The following ZBTB20 variants were observed in gnomAD, a reference collection of about 807,000 sequenced individuals.
The protein encoded by ZBTB20 is zinc finger and BTB domain-containing protein 20.
ZBTB20 carries 9 observed loss-of-function variants against 56.9 expected under a neutral mutation model. That is an observed-to-expected ratio of 0.16 (90% confidence interval 0.10 to 0.28). ZBTB20 has a LOEUF of 0.28. Ranked by LOEUF, ZBTB20 falls within the 10% of genes least tolerant of loss-of-function variation. ZBTB20 has a pLI of 1.00. For synonymous variants in ZBTB20, 417 were observed against 420.7 expected (o/e 0.99, Z 0.11); for missense variants, 655 against 1,003.0 (o/e 0.65, Z 4.69).
intron 6 of ZBTB20, among the ~76,000 whole-genome samples, chr3:114,610,488 C>A (rs546879683): frequency 1.3e-5 from 2 of 152,310 alleles, no homozygotes; most frequent in African/African-American, 4.8e-5. Flanking sequence ...GTAGTGCAGA[C>A]AGACAGGTTT....
At chr3:115,099,329 C>T (rs553910934) in intron 1 of ZBTB20, among the ~76,000 whole-genome samples, 3 of 152,204 alleles carry the variant, frequency 2.0e-5, no homozygotes, top group Admixed American at 1.3e-4. Flanking sequence ...CCCCTCACTC[C>T]ACCCTCCCCA....
chr3:115,118,131 T>TC (rs1400064642), intron 1 of ZBTB20, among the ~76,000 whole-genome samples: 2 of 152,222 alleles, frequency 1.3e-5, no homozygotes, highest in East Asian at 3.8e-4. Context: ...TACATAGTAA[T>TC]CCAATTTCTA....
At chr3:114,427,649 C>T (rs2089791923) in intron 7 of ZBTB20, among the ~76,000 whole-genome samples, 1 of 152,236 alleles carries the variant, frequency 6.6e-6, no homozygotes, top group African/African-American at 2.4e-5. Flanking sequence ...AAGTACTACA[C>T]ATTTATACTG....
chr3:114,775,085 A>G (rs1226682799), intron 5 of ZBTB20, among the ~76,000 whole-genome samples: 1 of 151,954 alleles, frequency 6.6e-6, no homozygotes, highest in African/African-American at 2.4e-5. Flanking sequence ...TGATCCTTAT[A>G]TTACACTCGC....
At chr3:114,679,326 C>A (rs572588609) in intron 6 of ZBTB20, among the ~76,000 whole-genome samples, 14 of 152,262 alleles carry the variant, frequency 9.2e-5, no homozygotes, top group African/African-American at 2.6e-4. Flanking sequence ...GCAAAAGAAA[C>A]TATCATCAGA....
In ZBTB20 at chr3:114,420,051, T is replaced by C. The variant is rs562563439; in HGVS notation, c.-254-30946A>G. Among the ~76,000 whole-genome samples the C allele has an allele frequency of 5.3e-5, 8 of 152,238 alleles. No individual in the cohort carries two copies. The East Asian group carries it at 1.5e-3, about 29-fold the overall frequency. On this transcript the variant is annotated intron_variant, in intron 7 of 11. Transcript: ENST00000675478. ...TCCCAATGGACTTCTCCTTGTAAAC[T>C]TAAAAAGAGCAACAGACTTATCTAG...
In ZBTB20 at chr3:114,414,724, T is replaced by A. The variant is rs956141779; in HGVS notation, c.-254-25619A>T. Among the ~76,000 whole-genome samples the A allele has an allele frequency of 3.4e-5, 5 of 147,720 alleles. No individual in the cohort carries two copies. The South Asian group carries it at 1.0e-3, about 31-fold the overall frequency. On this transcript the variant is annotated intron_variant, in intron 7 of 11. Transcript: ENST00000675478. ...TAAAATACTATATATTTATATAAAA[T>A]ATATAAAATATAATTATAAAATATA...
intron 6 of ZBTB20, among the ~76,000 whole-genome samples, chr3:114,544,626 G>A (rs1342495220): frequency 6.6e-6 from 1 of 150,892 alleles, no homozygotes; most frequent in Admixed American, 6.6e-5. Context: ...ACATCAGCCT[G>A]TCGAGTAACT....
intron 2 of ZBTB20, among the ~76,000 whole-genome samples, chr3:115,007,751 C>T (rs2079537712): frequency 6.6e-6 from 1 of 151,860 alleles, no homozygotes; most frequent in South Asian, 2.1e-4. Flanking sequence ...TGAAAACTGA[C>T]TTCTGCCCTT....
chr3:114,403,094 C>T (rs1429122154), intron 7 of ZBTB20, among the ~76,000 whole-genome samples: 2 of 151,984 alleles, frequency 1.3e-5, no homozygotes, highest in African/African-American at 4.8e-5. Context: ...GCACAACAAA[C>T]CACACAACAT....
chr3:114,813,537 G>A (rs2108888134), intron 4 of ZBTB20, among the ~76,000 whole-genome samples: 1 of 152,318 alleles, frequency 6.6e-6, no homozygotes, highest in East Asian at 1.9e-4. Context: ...GATCACTTGA[G>A]TCCAGGAGTT....
intron 2 of ZBTB20, among the ~76,000 whole-genome samples, chr3:114,988,866 T>C (rs1248804150): frequency 6.6e-6 from 1 of 152,238 alleles, no homozygotes; most frequent in East Asian, 1.9e-4. Flanking sequence ...GATGAGCATT[T>C]TTTCATGTCT....
chr3:114,837,472 C>T (rs2074178516), intron 4 of ZBTB20, among the ~76,000 whole-genome samples: 1 of 152,118 alleles, frequency 6.6e-6, no homozygotes, highest in Admixed American at 6.6e-5. Flanking sequence ...CAAAGTTTCT[C>T]ATGAGGTTGT....
chr3:114,759,042 A>T (rs2068237498), intron 5 of ZBTB20: 1 of 152,130 alleles, frequency 6.6e-6, no homozygotes, highest in Non-Finnish European at 1.5e-5. Context: ...TTTGCCAGTA[A>T]ATACTCAATT....
chr3:114,656,776 C>T (rs148790839), intron 6 of ZBTB20, among the ~76,000 whole-genome samples: 1 of 152,122 alleles, frequency 6.6e-6, no homozygotes, highest in East Asian at 1.9e-4. Context: ...CAGGGTCTCA[C>T]TCTGTTGCCC....
intron 6 of ZBTB20, among the ~76,000 whole-genome samples, chr3:114,510,901 A>G (rs1243817918): frequency 6.6e-6 from 1 of 152,046 alleles, no homozygotes; most frequent in Non-Finnish European, 1.5e-5. Context: ...CCTTTTTTCC[A>G]TTTGAAGGAA....
chr3:114,506,083 C>A (rs2044575817), intron 6 of ZBTB20, among the ~76,000 whole-genome samples: 1 of 151,984 alleles, frequency 6.6e-6, no homozygotes. Context: ...ATTTTCATTC[C>A]TTTTGGTCAG....
chr3:114,823,301 T>C (rs1380233182), intron 4 of ZBTB20, among the ~76,000 whole-genome samples: 1 of 152,056 alleles, frequency 6.6e-6, no homozygotes, highest in African/African-American at 2.4e-5. Flanking sequence ...TAGTGTACAA[T>C]GAGAGGGATA....
intron 6 of ZBTB20, among the ~76,000 whole-genome samples, chr3:114,616,013 T>C (rs1293048156): frequency 6.6e-6 from 1 of 152,198 alleles, no homozygotes; most frequent in Non-Finnish European, 1.5e-5. Context: ...TAAAGCAGAA[T>C]TTATCATAAG....
Sources: allele counts gnomAD v4.1 joint callset (sites outside exome capture counted in the v4.1 genomes callset), GRCh38; gene constraint gnomAD v4.1.1; transcripts MANE v1.5; gene names NCBI Gene and HGNC (gene_info 2026-07-23, HGNC 2026-07-21).